PLEKHA4: variants seen among roughly 807,000 people sequenced by gnomAD.
PLEKHA4 encodes the protein pleckstrin homology domain-containing family A member 4.
PLEKHA4 carries 73 observed loss-of-function variants against 94.7 expected under a neutral mutation model. That is an observed-to-expected ratio of 0.77 (90% CI 0.64 to 0.94). The LOEUF (loss-of-function observed/expected upper bound fraction) is 0.94. PLEKHA4 is among the 40% of genes least tolerant of loss of function. PLEKHA4 has a pLI of 0.00. For synonymous variants in PLEKHA4, 449 were observed against 437.1 expected (o/e 1.03, Z -0.34); for missense variants, 1,049 against 1,054.1 (o/e 1.00, Z 0.07).
At chr19:48,860,228 C>A (rs947675560) in intron 6 of PLEKHA4, 122 bp downstream of exon 6, 1 of 789,224 alleles carries the variant, frequency 1.3e-6, no homozygotes, top group Middle Eastern at 2.4e-4. Context: ...GAAGACGAGG[C>A]GCCTTAGCTA....
At chr19:48,865,992 A>C (rs1016482925) in intron 2 of PLEKHA4, among the ~76,000 whole-genome samples, 9 of 150,928 alleles carry the variant, frequency 6.0e-5, no homozygotes, top group African/African-American at 2.2e-4. Context: ...CCAGCCCGGG[A>C]GACAGAGTGA....
intron 18 of PLEKHA4, 84 bp from the exon 19 acceptor site, chr19:48,838,213 A>G: frequency 1.3e-6 from 1 of 764,394 alleles, no homozygotes. Flanking sequence ...AAAGAAAAGG[A>G]TGAATAAGAC....
chr19:48,841,735 A>T (rs1223265539), intron 16 of PLEKHA4, among the ~76,000 whole-genome samples: 1 of 151,968 alleles, frequency 6.6e-6, no homozygotes, highest in African/African-American at 2.4e-5. Context: ...TGGGAGGATC[A>T]CTTGCGGCCA....
rs2035568635 is a variant in PLEKHA4 at position 48,837,378 on chromosome 19, C to T, written c.2251G>A (p.Ala751Thr). Residue 751 changes from alanine to threonine, a missense_variant, in exon 20 of 20, where the codon GCG (alanine) becomes ACG (threonine). Transcript: ENST00000263265. This position sits in a 1 kb window ranked among gnomAD's most constrained non-coding sequence, Gnocchi z 4.3. Reference sequence around the variant, plus strand: ...GGAGGGGCGATCCCGGCATCCCACGCGGGCCCCCAGGGGGTGGGACCTCCT... The same window carrying T: ...GGAGGGGCGATCCCGGCATCCCACGTGGGCCCCCAGGGGGTGGGACCTCCT... ...RGGGPTPWGP[A>T]WDAGIAPPVL... 1 of 1,613,738 alleles carries T rather than the reference C, an allele frequency of 6.2e-7. No individual in the cohort carries two copies. The highest frequency in any genetic ancestry group is 8.5e-7 in the Non-Finnish European group (1 of 1,179,976).
Position 48,853,670 on chromosome 19 carries a change from C to A in PLEKHA4, c.1326+12G>T. The A allele has an allele frequency of 1.3e-6, 2 of 1,536,674 alleles. No individual in the cohort carries two copies. The highest frequency in any genetic ancestry group is 1.2e-5 in the South Asian group (1 of 83,026). ...GCCTCCTAGGAGGGCAGGCCCCTTC[C>A]CAGGTGCTCACCTGAGTCAAGTGAC... is the stretch of plus-strand genomic sequence containing the variant. On this transcript the variant is annotated intron_variant, in intron 12 of 19. Coordinates refer to ENST00000263265, the MANE Select transcript of PLEKHA4 (RefSeq NM_020904.3).
intron 13 of PLEKHA4, among the ~76,000 whole-genome samples, chr19:48,851,838 G>A (rs1482252639): frequency 2.6e-5 from 4 of 152,086 alleles, no homozygotes; most frequent in Non-Finnish European, 5.9e-5. Context: ...TAGCTACTTG[G>A]GAGGCTGAGG....
rs768884664 is a variant in PLEKHA4 at position 48,858,911 on chromosome 19, T to A, written c.921A>T (p.Gly307=). The change falls in exon 8 of 20, where the codon GGA becomes GGT. Residue 307 remains glycine (G), a synonymous_variant. Transcript: ENST00000263265. ...GCTGGGGACTCCTGGGGGGCTTTCC[T>A]CCCCCAGCCTCAGAGGGAGGTCCTC... ...PRRGPPSEAG[G]GKPPRSPQHW... 2.5e-6 allele frequency: 4 copies of A among 1,604,206 alleles called. No homozygotes were observed. Among genetic ancestry groups the A allele is most frequent in the Non-Finnish European group, 2.5e-6 (3 of 1,177,158 alleles).
chr19:48,848,829 TTTTC>T (rs1057291655), intron 13 of PLEKHA4, among the ~76,000 whole-genome samples: 141 of 152,074 alleles, frequency 9.3e-4, no homozygotes, highest in Middle Eastern at 3.4e-3. Context: ...AAAAACTGTC[TTTTC>T]TTTCTATGTT....
At chr19:48,851,387 C>A (rs2036178756) in intron 13 of PLEKHA4, among the ~76,000 whole-genome samples, 1 of 151,980 alleles carries the variant, frequency 6.6e-6, no homozygotes. Flanking sequence ...GAGGCCGAGG[C>A]AGGCAGATCA....
intron 7 of PLEKHA4, 137 bp downstream of exon 7, chr19:48,859,332 C>T (rs2036548456): frequency 3.0e-6 from 3 of 1,006,920 alleles, no homozygotes; most frequent in Admixed American, 5.0e-5. Flanking sequence ...AGTCTTCTCC[C>T]CGACAGGCTG....
intron 16 of PLEKHA4, among the ~76,000 whole-genome samples, chr19:48,842,904 TTTTC>T (rs1305741460): frequency 1.3e-5 from 2 of 152,152 alleles, no homozygotes; most frequent in African/African-American, 4.8e-5. Flanking sequence ...GGTCATAGCT[TTTTC>T]TTTGCTAAAC....
Position 48,839,228 on chromosome 19 carries a change from G to C in PLEKHA4, c.1941C>G (p.Leu647=), listed in dbSNP as rs1347350882. 8 of 1,597,016 alleles carry C rather than the reference G, an allele frequency of 5.0e-6. No homozygotes were observed. In the South Asian group the frequency reaches 9.0e-5, roughly 18 times the overall value. ...ACCTACTCCAGGACCCAGAGCTTCT[G>C]AGCCATTTCTGGGCTCCCGAGTGTC... is the stretch of plus-strand genomic sequence containing the variant. ...VVGHSGAQKW[L]RSSGSWSSPR... The change falls in exon 18 of 20, where the codon CTC becomes CTG. Residue 647 remains leucine (L), a synonymous_variant. Transcript: ENST00000263265.
chr19:48,844,633 A>G, intron 16 of PLEKHA4: 2 of 985,190 alleles, frequency 2.0e-6, no homozygotes, highest in Non-Finnish European at 2.4e-6. Context: ...AAATCAGCCA[A>G]TCATTGATAG....
intron 14 of PLEKHA4, 81 bp downstream of exon 14, chr19:48,847,817 TAA>T: frequency 7.0e-7 from 1 of 1,434,694 alleles, no homozygotes; most frequent in Non-Finnish European, 9.3e-7. Flanking sequence ...AAGGAAGAAT[TAA>T]AGAGGTGGGT....
In PLEKHA4 at chr19:48,838,080, G is replaced by A. The variant is rs1450546419; in HGVS notation, c.2014C>T (p.Arg672Trp). 1.2e-6 allele frequency: 2 copies of A among 1,612,994 alleles called. No homozygotes were observed. The highest frequency in any genetic ancestry group is 1.3e-5 in the African/African-American group (1 of 74,566). ...AGGGCTTGGGAGAGGCTGAGAACCC[G>A]CTCCCGGTGACCTTCGGAAGTCGGC... ...YLPTSEGHRERVLSLSQALAT... is the reference protein window; with the variant it reads ...YLPTSEGHREWVLSLSQALAT... Residue 672 changes from arginine (R) to tryptophan (W), a missense_variant, in exon 19 of 20, where the codon CGG (arginine) becomes TGG (tryptophan). Arg to Trp is a moderately radical substitution (Grantham distance 101). Coordinates refer to ENST00000263265, the MANE Select transcript of PLEKHA4 (RefSeq NM_020904.3).
At chr19:48,847,845 T>TGGGACATGTCC (rs1410082393) in intron 14 of PLEKHA4, 55 bp downstream of exon 14, 1 of 1,509,894 alleles carries the variant, frequency 6.6e-7, no homozygotes, top group Non-Finnish European at 8.9e-7. Context: ...ATAGACTGAG[T>TGGGACATGTCC]CAAGGACAGG....
At chr19:48,860,856 A>C (rs1255679267) in intron 5 of PLEKHA4, among the ~76,000 whole-genome samples, 3 of 151,912 alleles carry the variant, frequency 2.0e-5, no homozygotes, top group Middle Eastern at 3.4e-3. Context: ...AGAGAGAAAA[A>C]AAAAGGAAAG....
chr19:48,854,260 C>A lies in PLEKHA4; in HGVS notation c.1052G>T (p.Gly351Val). Residue 351 changes from glycine (G) to valine (V), a missense_variant, in exon 10 of 20, where the codon GGT (glycine) becomes GTT (valine). By Grantham distance (109) the Gly-to-Val change is moderately radical. Coordinates refer to ENST00000263265, the MANE Select transcript of PLEKHA4 (RefSeq NM_020904.3). ...GTRASMVLLP[G>V]PPLESTFHQS... is the part of the protein sequence containing the mutation. ...GTGGAAAGTTGACTCCAGGGGAGGA[C>A]CCGGCTGAAGAGAAGGAAAAAAGTC... 6.2e-7 allele frequency: 1 copy of A among 1,614,038 alleles called. No homozygotes were observed.
chr19:48,853,633 C>G (rs1334746232), intron 12 of PLEKHA4, 49 bp downstream of exon 12: 18 of 1,442,046 alleles, frequency 1.2e-5, no homozygotes, highest in Non-Finnish European at 1.2e-5. Context: ...TAACGACTTG[C>G]ATAGTCCTGG....
Sources: gnomAD v4.1 joint callset for allele counts (sites outside exome capture counted in the v4.1 genomes callset) on GRCh38, gnomAD v4.1.1 for gene constraint, Gnocchi (gnomAD v3.1) non-coding constraint, MANE v1.5 for transcripts, NCBI Gene and HGNC (gene_info 2026-07-23, HGNC 2026-07-21) for gene names.